The following WSCD2 variants were observed in gnomAD, a reference collection of about 807,000 sequenced individuals.
WSCD2 encodes sialate:O-sulfotransferase 2.
Under a neutral mutation model 55.7 loss-of-function variants are expected in WSCD2, and 28 were observed. The observed-to-expected ratio is 0.50, with a 90% CI of 0.37 to 0.69. The LOEUF (loss-of-function observed/expected upper bound fraction) is 0.69, where lower values mean the gene tolerates loss of function less well. Ranked by LOEUF, WSCD2 falls within the 30% of genes least tolerant of loss-of-function variation. WSCD2 has a pLI of 0.00. For missense variants in WSCD2, 616 were observed against 762.1 expected (o/e 0.81, Z 2.26); for synonymous variants, 301 against 301.9 (o/e 1.00, Z 0.03).
intron 1 of WSCD2, among the ~76,000 whole-genome samples, chr12:108,140,493 G>A (rs934547108): frequency 3.9e-5 from 6 of 152,062 alleles, no homozygotes; most frequent in Non-Finnish European, 7.4e-5. Context: ...TAGCTTTTAC[G>A]GCAACCTGCT....
At chr12:108,235,169 A>G (rs1889153591) in intron 7 of WSCD2, among the ~76,000 whole-genome samples, 1 of 152,324 alleles carries the variant, frequency 6.6e-6, no homozygotes, top group Non-Finnish European at 1.5e-5. Flanking sequence ...TTCCTAATCT[A>G]TAATACAGGA....
At chr12:108,199,188 A>G (rs772101977) in intron 2 of WSCD2, among the ~76,000 whole-genome samples, 3 of 152,236 alleles carry the variant, frequency 2.0e-5, no homozygotes, top group Non-Finnish European at 4.4e-5. Context: ...GAAAGACAAC[A>G]TATTAGATTA....
intron 2 of WSCD2, among the ~76,000 whole-genome samples, chr12:108,202,522 TA>T (rs953340656): frequency 6.1e-4 from 93 of 151,948 alleles, no homozygotes; most frequent in African/African-American, 2.1e-3. Flanking sequence ...CCCAGGCTTA[TA>T]AAAAAAGAAT....
At chr12:108,131,155 T>A (rs550829545) in intron 1 of WSCD2, among the ~76,000 whole-genome samples, 1 of 152,284 alleles carries the variant, frequency 6.6e-6, no homozygotes, top group African/African-American at 2.4e-5. Context: ...GGCGTCAGAA[T>A]CTGGTGCTTG....
In WSCD2 at chr12:108,248,466, C is replaced by T. The variant is rs1890240858; in HGVS notation, c.*123C>T. On this transcript the variant is annotated 3_prime_UTR_variant, in exon 9 of 9. Coordinates refer to ENST00000547525, the MANE Select transcript of WSCD2 (RefSeq NM_014653.4). This position sits in a 1 kb window ranked among gnomAD's most constrained non-coding sequence, Gnocchi z 4.3. ...GGTCTGGGGACAATCCCCTTGGCTG[C>T]TCTTTGCCTTCAATGAGTTTCCTGC... is the stretch of plus-strand genomic sequence containing the variant. 1.4e-6 allele frequency: 2 copies of T among 1,441,748 alleles called. No homozygotes were observed. Among genetic ancestry groups the T allele is most frequent in the Non-Finnish European group, 9.1e-7 (1 of 1,099,994 alleles). 89.3% of individuals were successfully genotyped at this position (1,441,748 alleles called of 1,614,324 possible).
intron 1 of WSCD2, among the ~76,000 whole-genome samples, chr12:108,130,443 GT>G (rs1229265687): frequency 2.0e-5 from 3 of 151,670 alleles, no homozygotes; most frequent in Non-Finnish European, 4.4e-5. Flanking sequence ...TTTGTGTAGG[GT>G]GCCTTGCAGA....
chr12:108,162,069 A>G (rs910082639), intron 1 of WSCD2, among the ~76,000 whole-genome samples: 1 of 152,226 alleles, frequency 6.6e-6, no homozygotes, highest in Non-Finnish European at 1.5e-5. Context: ...AACATTGCAC[A>G]GAAGCCAAGT....
chr12:108,217,769 A>G (rs1249752362), intron 4 of WSCD2, among the ~76,000 whole-genome samples: 2 of 152,186 alleles, frequency 1.3e-5, no homozygotes, highest in Non-Finnish European at 2.9e-5. Context: ...TTGCCCAAAG[A>G]GGTGCACAGC....
chr12:108,152,311 G>A (rs1278001535), intron 1 of WSCD2, among the ~76,000 whole-genome samples: 1 of 152,184 alleles, frequency 6.6e-6, no homozygotes, highest in Non-Finnish European at 1.5e-5. Flanking sequence ...GCCCCATTCA[G>A]GCCAAGGCAA....
In WSCD2 at chr12:108,248,822, T is replaced by G; in HGVS notation, c.*479T>G. ...CTTCTCATCTCCACCCAAGAAGTGC[T>G]GGCACCGATGTTTAACTCAGGCCAC... On this transcript the variant is annotated 3_prime_UTR_variant, in exon 9 of 9. Coordinates refer to ENST00000547525, the MANE Select transcript of WSCD2 (RefSeq NM_014653.4). The surrounding 1 kb of genome is among the most constrained non-coding windows in gnomAD (Gnocchi z 4.3). 1 of 990,568 alleles carries G rather than the reference T, an allele frequency of 1.0e-6. No individual in the cohort carries two copies. The highest frequency in any genetic ancestry group is 1.2e-6 in the Non-Finnish European group (1 of 832,568). 61.4% of individuals were successfully genotyped at this position (990,568 alleles called of 1,614,324 possible). A position where few individuals can be genotyped will look rare whatever the true frequency, so the allele number is the denominator to read the frequency against.
Position 108,210,096 on chromosome 12 carries a change from C to A in WSCD2, c.498-25C>A, listed in dbSNP as rs2137100871. The A allele has an allele frequency of 8.1e-6, 13 of 1,613,928 alleles. No homozygotes were observed. Among genetic ancestry groups the A allele is most frequent in the Non-Finnish European group, 1.1e-5 (13 of 1,179,950 alleles). On this transcript the variant is annotated intron_variant, in intron 3 of 8. Transcript: ENST00000547525. The surrounding 1 kb of genome is among the most constrained non-coding windows in gnomAD (Gnocchi z 4.3). Reference sequence around the variant, plus strand: ...TCGGGGTCTCCATGGTGGCAGCTACCCTGCTTGACAGCAGCCTCCCCCAGG... The same window carrying A: ...TCGGGGTCTCCATGGTGGCAGCTACACTGCTTGACAGCAGCCTCCCCCAGG...
chr12:108,146,545 A>C (rs530430164), intron 1 of WSCD2, among the ~76,000 whole-genome samples: 2 of 152,362 alleles, frequency 1.3e-5, no homozygotes, highest in East Asian at 3.9e-4. Context: ...CCTGGGGAGA[A>C]GCATTTTCAG....
intron 4 of WSCD2, among the ~76,000 whole-genome samples, chr12:108,223,107 G>A (rs969775607): frequency 6.6e-6 from 1 of 152,190 alleles, no homozygotes; most frequent in African/African-American, 2.4e-5. Context: ...CTGATTGCAT[G>A]AGGCTCACCC....
At chr12:108,151,683 C>T (rs778729442) in intron 1 of WSCD2, among the ~76,000 whole-genome samples, 1 of 152,180 alleles carries the variant, frequency 6.6e-6, no homozygotes, top group Admixed American at 6.5e-5. Flanking sequence ...GGGAATCTCC[C>T]GGAATGCCAT....
At chr12:108,180,805 CA>C (rs771145452) in intron 1 of WSCD2, among the ~76,000 whole-genome samples, 3 of 152,204 alleles carry the variant, frequency 2.0e-5, no homozygotes, top group African/African-American at 7.2e-5. Context: ...GCTCCTTCTC[CA>C]AAAATTATGA....
At chr12:108,164,713 TCTAACTTGAGGAATGCCTTC>T (rs1490074524) in intron 1 of WSCD2, among the ~76,000 whole-genome samples, 2 of 152,170 alleles carry the variant, frequency 1.3e-5, no homozygotes, top group Non-Finnish European at 1.5e-5. Flanking sequence ...CCAGCCTGAA[TCTAACTTGAGGAATGCCTTC>T]CTTGCCCGCA....
chr12:108,246,310 C>T (rs2137250108), intron 8 of WSCD2, among the ~76,000 whole-genome samples: 1 of 152,366 alleles, frequency 6.6e-6, no homozygotes, highest in Non-Finnish European at 1.5e-5. Flanking sequence ...AGCAGCTGGG[C>T]TCCCCAGTGC....
Position 108,224,859 on chromosome 12 carries a change from A to G in WSCD2, c.803A>G (p.Lys268Arg). The change falls in exon 5 of 9, where the codon AAG (lysine) becomes AGG (arginine). Residue 268 changes from lysine to arginine, a missense_variant and splice_region_variant. Around this residue, in one of 3 missense-constraint regions of WSCD2, gnomAD observed 374 missense variants for 467.4 expected, o/e 0.80. Transcript: ENST00000547525. ...AAATGCGTGGACTTCTGCACTGAGAAGGTGAGCACAAGGTGGGGCCCATGG... is the reference window on the plus strand; with the variant it reads ...AAATGCGTGGACTTCTGCACTGAGAGGGTGAGCACAAGGTGGGGCCCATGG... ...VDKCVDFCTE[K>R]EYPLAALAGT... 1 of 1,612,808 alleles carries G rather than the reference A, an allele frequency of 6.2e-7. No homozygotes were observed. The highest frequency in any genetic ancestry group is 8.5e-7 in the Non-Finnish European group (1 of 1,179,942).
intron 1 of WSCD2, among the ~76,000 whole-genome samples, chr12:108,143,355 C>T (rs939128731): frequency 2.0e-5 from 3 of 152,192 alleles, no homozygotes; most frequent in East Asian, 3.9e-4. Context: ...TCAACCATGA[C>T]ACCTCTTTGG....
Sources: gnomAD v4.1 joint callset for allele counts (sites outside exome capture counted in the v4.1 genomes callset) on GRCh38, gnomAD v4.1.1 for gene constraint, gnomAD v4.1.1 regional missense constraint, Gnocchi (gnomAD v3.1) non-coding constraint, MANE v1.5 for transcripts, NCBI Gene and HGNC (gene_info 2026-07-23, HGNC 2026-07-21) for gene names.